Variants in SORL1 observed in about 807,000 individuals in gnomAD.
SORL1 encodes sortilin-related receptor.
In SORL1, 127 loss-of-function variants were observed where a neutral mutation model predicts 273.7. That is an observed-to-expected ratio of 0.46 (90% CI 0.40 to 0.54). SORL1 has a LOEUF of 0.54. Among genes scored for constraint, SORL1 ranks in the 20% least tolerant of loss-of-function variants. The pLI is 0.00. For synonymous variants in SORL1, 1,031 were observed against 1,067.4 expected, an observed-to-expected ratio of 0.97 and a Z score of 0.66; for missense variants, 2,494 against 2,846.1, an observed-to-expected ratio of 0.88 and a Z score of 2.81.
At chr11:121,557,048 G>A (rs1489526312) in intron 18 of SORL1, 1 of 508,076 alleles carries the variant, frequency 2.0e-6, no homozygotes, top group East Asian at 3.2e-5. Flanking sequence ...ATACTGCTTT[G>A]TCCAGATCAT....
intron 8 of SORL1, among the ~76,000 whole-genome samples, chr11:121,515,436 G>A (rs1390297350): frequency 2.0e-5 from 3 of 152,108 alleles, no homozygotes; most frequent in Non-Finnish European, 4.4e-5. Flanking sequence ...AGACCCCTGG[G>A]GGAGTAGCGC....
At chr11:121,505,895 CAT>C (rs779523816) in intron 6 of SORL1, among the ~76,000 whole-genome samples, 5 of 152,208 alleles carry the variant, frequency 3.3e-5, no homozygotes, top group Non-Finnish European at 7.4e-5. Context: ...TGGAATGAAA[CAT>C]GTGCTTTGAG....
intron 18 of SORL1, 115 bp downstream of exon 18, chr11:121,555,433 T>C: frequency 1.5e-6 from 2 of 1,344,798 alleles, no homozygotes; most frequent in Admixed American, 2.0e-5. Flanking sequence ...GGAAATTTAC[T>C]GCGAGTTTCC....
Position 121,520,674 on chromosome 11 carries a change from C to A in SORL1, c.1229C>A (p.Pro410Gln). The change falls in exon 9 of 48, where the codon CCA (proline) becomes CAA (glutamine). Residue 410 changes from proline to glutamine, a missense_variant. This residue lies in a region of SORL1 where 710 missense variants were observed against 882.5 expected (regional missense o/e 0.80). Coordinates refer to ENST00000260197, the MANE Select transcript of SORL1 (RefSeq NM_003105.6). ...TATTGTAGGTATTTTGCAAATGAACCATTTGCTGACTTCCACCGAGTGGAA... is the reference window on the plus strand; with the variant it reads ...TATTGTAGGTATTTTGCAAATGAACAATTTGCTGACTTCCACCGAGTGGAA... ...DTLVRYFANE[P>Q]FADFHRVEGL... 1 of 1,571,420 alleles carries A rather than the reference C, an allele frequency of 6.4e-7. No homozygotes were observed. Among genetic ancestry groups the A allele is most frequent in the Non-Finnish European group, 8.6e-7 (1 of 1,161,166 alleles).
intron 37 of SORL1, among the ~76,000 whole-genome samples, chr11:121,607,508 G>A (rs1057349645): frequency 1.1e-4 from 16 of 152,120 alleles, no homozygotes; most frequent in African/African-American, 3.1e-4. Context: ...GTAGATAACC[G>A]GGCGTTTATG....
chr11:121,527,730 C>A (rs1862143961), intron 11 of SORL1, among the ~76,000 whole-genome samples: 1 of 151,804 alleles, frequency 6.6e-6, no homozygotes, highest in Non-Finnish European at 1.5e-5. Context: ...GAAATTTGTC[C>A]CTTCATGTAA....
Position 121,618,785 on chromosome 11 carries a change from T to C in SORL1, c.5616T>C (p.Ile1872=). 3 of 1,614,214 alleles carry C rather than the reference T, an allele frequency of 1.9e-6. No individual in the cohort carries two copies. The highest frequency in any genetic ancestry group is 2.5e-6 in the Non-Finnish European group (3 of 1,180,022). Residue 1872 remains isoleucine, a synonymous_variant, in exon 42 of 48, where the codon ATT becomes ATC. Transcript: ENST00000260197. ...TCTGCTTTTACCAGGTTTATGGTAT[T>C]TTCTATGCCACGTCCTTTCTTGACC... is the stretch of plus-strand genomic sequence containing the variant. ...WTGPRNVVYG[I]FYATSFLDLY... is the part of the protein sequence containing the mutation.
rs77362534 is a variant in SORL1 at position 121,529,967 on chromosome 11, A to G, written c.1597-2497A>G. 2.0e-4 allele frequency among the ~76,000 whole-genome samples: 31 copies of G among 152,068 alleles called. No homozygotes were observed. The East Asian group carries it at 5.8e-3, about 28-fold the overall frequency. On this transcript the variant is annotated intron_variant, in intron 11 of 47. Coordinates refer to ENST00000260197, the MANE Select transcript of SORL1 (RefSeq NM_003105.6). The stretch of plus-strand genomic sequence containing the variant: ...TTTAGATTTTTTGGGGGGCTTATCT[A>G]TGTGTATTTCTAGTGACTTCTCTAA...
At chr11:121,578,934 A>G (rs1300482928) in intron 25 of SORL1, among the ~76,000 whole-genome samples, 1 of 152,264 alleles carries the variant, frequency 6.6e-6, no homozygotes, top group African/African-American at 2.4e-5. Flanking sequence ...CCGTTGGCAC[A>G]GGAAACACGT....
At chr11:121,544,092 C>A (rs1004612410) in intron 13 of SORL1, among the ~76,000 whole-genome samples, 6 of 151,972 alleles carry the variant, frequency 3.9e-5, no homozygotes, top group African/African-American at 1.2e-4. Flanking sequence ...GTGTGCCAAG[C>A]GACACAGGGT....
At chr11:121,471,405 G>T (rs901813958) in intron 2 of SORL1, among the ~76,000 whole-genome samples, 5 of 152,222 alleles carry the variant, frequency 3.3e-5, no homozygotes, top group Admixed American at 2.6e-4. Flanking sequence ...CACATGTAAG[G>T]GCCAAAGCTC....
chr11:121,480,893 G>T (rs1396310154), intron 3 of SORL1, among the ~76,000 whole-genome samples: 1 of 135,496 alleles, frequency 7.4e-6, no homozygotes, highest in East Asian at 2.2e-4. Context: ...CTTCCGTAGT[G>T]CACAGATACC....
Position 121,550,519 on chromosome 11 carries a change from A to C in SORL1, c.2181-66A>C. 7.2e-7 allele frequency: 1 copy of C among 1,394,120 alleles called. No individual in the cohort carries two copies. The highest frequency in any genetic ancestry group is 1.2e-5 in the South Asian group (1 of 85,912). 86.4% of individuals were successfully genotyped at this position (1,394,120 alleles called of 1,614,324 possible). Reference sequence around the variant, plus strand: ...GGCCGTGGGTAGTAAGTGTATTCCCAGCTGGGATGCCTTTGTGGCTATTCT... The same window carrying C: ...GGCCGTGGGTAGTAAGTGTATTCCCCGCTGGGATGCCTTTGTGGCTATTCT... On this transcript the variant is annotated intron_variant, in intron 15 of 47. Coordinates refer to ENST00000260197, the MANE Select transcript of SORL1 (RefSeq NM_003105.6). This position sits in a 1 kb window ranked among gnomAD's most constrained non-coding sequence, Gnocchi z 5.3.
chr11:121,478,384 C>A, intron 3 of SORL1, 141 bp downstream of exon 3: 1 of 1,001,272 alleles, frequency 1.0e-6, no homozygotes, highest in Non-Finnish European at 1.4e-6. Flanking sequence ...TTTGTGCTAA[C>A]CTGGGCATTT....
intron 32 of SORL1, among the ~76,000 whole-genome samples, chr11:121,598,788 T>C (rs1321735128): frequency 1.3e-5 from 2 of 152,168 alleles, no homozygotes; most frequent in Non-Finnish European, 2.9e-5. Flanking sequence ...CCACCATGCA[T>C]AGGTTTTTCT....
chr11:121,573,815 A>G (rs1862884042), intron 23 of SORL1, among the ~76,000 whole-genome samples: 1 of 152,178 alleles, frequency 6.6e-6, no homozygotes, highest in Non-Finnish European at 1.5e-5. Context: ...TTCTACCTCC[A>G]TGCTGCCTTT....
chr11:121,597,580 G>GCCT (rs374036262), intron 32 of SORL1, among the ~76,000 whole-genome samples: 11 of 152,062 alleles, frequency 7.2e-5, no homozygotes, highest in African/African-American at 2.4e-4. Flanking sequence ...TCTTGCCTCA[G>GCCT]CCTCCCGAGT....
intron 4 of SORL1, among the ~76,000 whole-genome samples, chr11:121,488,953 A>G (rs578028876): frequency 2.0e-5 from 3 of 152,300 alleles, no homozygotes; most frequent in Admixed American, 2.0e-4. Context: ...TAACCTAAGT[A>G]TGGGCTGGGT....
At chr11:121,458,739 A>G (rs610258) in intron 1 of SORL1, among the ~76,000 whole-genome samples, 150,584 of 152,370 alleles carry the variant, frequency 0.99, 74,442 homozygotes, top group Middle Eastern at 1. Flanking sequence ...GGCGGCCTTC[A>G]AGCGCTGAAG....
Sources: gnomAD v4.1 joint callset for allele counts (sites outside exome capture counted in the v4.1 genomes callset) on GRCh38, gnomAD v4.1.1 for gene constraint, gnomAD v4.1.1 regional missense constraint, Gnocchi (gnomAD v3.1) non-coding constraint, MANE v1.5 for transcripts, NCBI Gene and HGNC (gene_info 2026-07-23, HGNC 2026-07-21) for gene names.